Variants in ANKRD30B observed in about 807,000 individuals in gnomAD.
ANKRD30B encodes ankyrin repeat domain 30B, also known as ankyrin repeat domain-containing protein 30B.
Under a neutral mutation model 202.2 loss-of-function variants are expected in ANKRD30B, and 144 were observed. The ratio of observed to expected loss-of-function variants is 0.71; its 90% CI spans 0.62 to 0.82. The LOEUF (loss-of-function observed/expected upper bound fraction) is 0.82, where lower values mean the gene tolerates loss of function less well. Among genes scored for constraint, ANKRD30B ranks in the 40% least tolerant of loss-of-function variants. ANKRD30B has a pLI of 0.00. For missense variants in ANKRD30B, 1,487 were observed against 1,669.1 expected, an observed-to-expected ratio of 0.89 and a Z score of 1.90; for synonymous variants, 508 against 561.3, an observed-to-expected ratio of 0.91 and a Z score of 1.34.
chr18:14,822,319 T>A (rs11877390), intron 30 of ANKRD30B, among the ~76,000 whole-genome samples, 164 bp from the exon 31 acceptor site: 6 of 151,290 alleles, frequency 4.0e-5, no homozygotes, highest in African/African-American at 1.5e-4. Flanking sequence ...TTTCTGTCAC[T>A]CTGGCATGTT....
chr18:14,764,162 G>A lies in ANKRD30B; in HGVS notation c.1225+72G>A, dbSNP rs192098667. 524 of 1,403,826 alleles carry A rather than the reference G, an allele frequency of 3.7e-4. 5 individuals are homozygous for A. The African/African-American group carries it at 5.6e-3, about 15-fold the overall frequency. The allele number at this position is 1,403,826 out of a possible 1,614,324, so 87.0% of individuals were successfully genotyped here. A position where few individuals can be genotyped will look rare whatever the true frequency, so the allele number is the denominator to read the frequency against. ...TCCCTAGTGAAAAAAGTGTGATATG[G>A]GAGTTGTTGGGAATGTCTTGAATAT... On this transcript the variant is annotated intron_variant, in intron 7 of 43. Coordinates refer to ENST00000690538, the MANE Select transcript of ANKRD30B (RefSeq NM_001367607.2).
At chr18:14,855,798 G>A (rs1308393691), downstream of ANKRD30B, among the ~76,000 whole-genome samples, 1 of 149,014 alleles carries the variant, frequency 6.7e-6, no homozygotes, top group Non-Finnish European at 1.5e-5. Context: ...CCAGGCAGAG[G>A]TGCTCCTCAT....
chr18:14,799,324 G>C (rs781384924), intron 22 of ANKRD30B, 29 bp downstream of exon 22: 1 of 1,483,578 alleles, frequency 6.7e-7, no homozygotes, highest in African/African-American at 1.4e-5. Context: ...ATTTTACTCT[G>C]GAATTAAGAA....
the ANKRD30B span, among the ~76,000 whole-genome samples, chr18:14,937,311 T>C: frequency 6.6e-6 from 1 of 152,208 alleles, no homozygotes; most frequent in Non-Finnish European, 1.5e-5. Context: ...TACAAGCTGG[T>C]GTCCAAGCAT....
intron 20 of ANKRD30B, 104 bp from the exon 21 acceptor site, chr18:14,798,997 T>C: frequency 8.3e-7 from 1 of 1,202,150 alleles, no homozygotes; most frequent in Non-Finnish European, 1.2e-6. Context: ...CCCTTTTCAA[T>C]CCAAGCATCA....
At chr18:14,900,354 A>AT in the ANKRD30B span, among the ~76,000 whole-genome samples, 2 of 152,098 alleles carry the variant, frequency 1.3e-5, no homozygotes, top group Non-Finnish European at 2.9e-5. Flanking sequence ...TTTTCCATCT[A>AT]CTATTTATCA....
At chr18:14,754,778 T>A (rs1175514508) in intron 3 of ANKRD30B, 121 bp from the exon 4 acceptor site, 2 of 627,854 alleles carry the variant, frequency 3.2e-6, no homozygotes, top group Non-Finnish European at 4.9e-6. Flanking sequence ...GGGACTGCTA[T>A]TGATTTACTT....
chr18:14,793,721 C>T (rs1968679698), intron 16 of ANKRD30B, among the ~76,000 whole-genome samples: 1 of 151,776 alleles, frequency 6.6e-6, no homozygotes, highest in South Asian at 2.1e-4. Flanking sequence ...GGTGAAACCC[C>T]ATCTCTAATA....
At chr18:14,818,551 C>A (rs1456825323) in intron 30 of ANKRD30B, among the ~76,000 whole-genome samples, 1 of 132,566 alleles carries the variant, frequency 7.5e-6, no homozygotes, top group Admixed American at 8.5e-5. Flanking sequence ...GTGATGTTCC[C>A]CTTCCTGTGT....
At chr18:14,898,001 T>C in the ANKRD30B span, among the ~76,000 whole-genome samples, 1 of 152,208 alleles carries the variant, frequency 6.6e-6, no homozygotes, top group African/African-American at 2.4e-5. Flanking sequence ...CTTCTTCTTC[T>C]ATTCCTAATT....
chr18:14,852,980 T>A (rs1016045071), intron 42 of ANKRD30B, among the ~76,000 whole-genome samples: 2 of 152,184 alleles, frequency 1.3e-5, no homozygotes, highest in East Asian at 3.8e-4. Context: ...TCTGAACATA[T>A]TTGAATCTGA....
intron 24 of ANKRD30B, among the ~76,000 whole-genome samples, chr18:14,808,164 C>T (rs1969641446): frequency 6.6e-6 from 1 of 150,440 alleles, no homozygotes; most frequent in Non-Finnish European, 1.5e-5. Context: ...TATGTCATAG[C>T]ATTCTACCAT....
intron 33 of ANKRD30B, among the ~76,000 whole-genome samples, 185 bp from the exon 34 acceptor site, chr18:14,831,198 A>AAAAAAAAAAAC (rs1235007247): frequency 6.6e-6 from 1 of 151,054 alleles, no homozygotes; most frequent in Admixed American, 6.6e-5. Context: ...AAAAAAAAAA[A>AAAAAAAAAAAC]AACGAAAACC....
the ANKRD30B span, among the ~76,000 whole-genome samples, chr18:14,860,961 A>G: frequency 6.6e-6 from 1 of 152,148 alleles, no homozygotes; most frequent in African/African-American, 2.4e-5. Flanking sequence ...TTGGCCTCCC[A>G]AAGTGCTAGG....
chr18:14,934,306 G>A, the ANKRD30B span, among the ~76,000 whole-genome samples: 1 of 152,234 alleles, frequency 6.6e-6, no homozygotes, highest in South Asian at 2.1e-4. Context: ...TGGCCAGCGA[G>A]AGGCAGGCCC....
chr18:14,891,331 AAT>A, the ANKRD30B span, among the ~76,000 whole-genome samples: 1 of 147,194 alleles, frequency 6.8e-6, no homozygotes, highest in Non-Finnish European at 1.5e-5. Context: ...TAGCCCAGCT[AAT>A]ATTTCTCATT....
the ANKRD30B span, among the ~76,000 whole-genome samples, chr18:14,897,803 A>G: frequency 9.9e-5 from 15 of 152,192 alleles, no homozygotes; most frequent in African/African-American, 3.4e-4. Flanking sequence ...GTTCCTTTGC[A>G]CTAGCACCAA....
At chr18:14,851,239 T>G (rs2143269465) in intron 41 of ANKRD30B, among the ~76,000 whole-genome samples, 1 of 149,236 alleles carries the variant, frequency 6.7e-6, no homozygotes, top group South Asian at 2.1e-4. Context: ...CAGGGAAAGT[T>G]TTTTTTTTTT....
chr18:14,833,227 C>T (rs1040008784), intron 34 of ANKRD30B, among the ~76,000 whole-genome samples: 1 of 150,488 alleles, frequency 6.6e-6, no homozygotes, highest in African/African-American at 2.4e-5. Flanking sequence ...AGAACCACCG[C>T]GTCCAGCCGA....
Sources: gnomAD v4.1 joint callset for allele counts (sites outside exome capture counted in the v4.1 genomes callset) on GRCh38, gnomAD v4.1.1 for gene constraint, MANE v1.5 for transcripts, NCBI Gene and HGNC (gene_info 2026-07-23, HGNC 2026-07-21) for gene names.